Variants in PLXDC2 observed in about 807,000 individuals in gnomAD.
PLXDC2 encodes plexin domain-containing protein 2.
A neutral mutation model predicts 68.9 loss-of-function variants in PLXDC2; 40 were observed. The observed-to-expected ratio is 0.58, with a 90% confidence interval of 0.45 to 0.76. The LOEUF (loss-of-function observed/expected upper bound fraction) is 0.76. Among genes scored for constraint, PLXDC2 ranks in the 30% least tolerant of loss-of-function variants. The pLI is 0.00. For missense variants in PLXDC2, 644 were observed against 661.9 expected, an observed-to-expected ratio of 0.97 and a Z score of 0.30; for synonymous variants, 243 against 234.2, an observed-to-expected ratio of 1.04 and a Z score of -0.34.
chr10:20,149,370 C>G (rs1471601755), intron 6 of PLXDC2, among the ~76,000 whole-genome samples: 3 of 150,124 alleles, frequency 2.0e-5, no homozygotes, highest in African/African-American at 4.9e-5. Context: ...TCCCAAGTAA[C>G]TGGGATTACA....
chr10:20,264,631 A>G (rs1385196455), intron 13 of PLXDC2, among the ~76,000 whole-genome samples: 1 of 152,094 alleles, frequency 6.6e-6, no homozygotes, highest in Non-Finnish European at 1.5e-5. Context: ...AAAAATAATA[A>G]TTTTGAAAAT....
At chr10:19,832,273 G>A (rs1023892402) in intron 1 of PLXDC2, among the ~76,000 whole-genome samples, 5 of 152,154 alleles carry the variant, frequency 3.3e-5, no homozygotes, top group African/African-American at 1.2e-4. Flanking sequence ...TTATTGAATA[G>A]CCCACAAAGG....
intron 4 of PLXDC2, among the ~76,000 whole-genome samples, chr10:20,091,356 T>C (rs1833273806): frequency 6.6e-6 from 1 of 152,250 alleles, no homozygotes; most frequent in Non-Finnish European, 1.5e-5. Context: ...TATCCAACAA[T>C]GACCAAGTCT....
At chr10:20,038,952 C>G (rs913771050) in intron 2 of PLXDC2, among the ~76,000 whole-genome samples, 4 of 152,086 alleles carry the variant, frequency 2.6e-5, no homozygotes, top group Admixed American at 2.0e-4. Context: ...TCCAAGACCC[C>G]TACCTTTTTC....
chr10:20,122,920 A>T (rs1833719035), intron 4 of PLXDC2, among the ~76,000 whole-genome samples: 1 of 152,142 alleles, frequency 6.6e-6, no homozygotes, highest in Non-Finnish European at 1.5e-5. Flanking sequence ...GCTGTAAAGC[A>T]TCTCAGGGTT....
chr10:20,082,923 T>C (rs530561131), intron 4 of PLXDC2, among the ~76,000 whole-genome samples: 1 of 150,242 alleles, frequency 6.7e-6, no homozygotes, highest in African/African-American at 2.5e-5. Flanking sequence ...TGCAGATAAA[T>C]GTTACTTACA....
intron 1 of PLXDC2, among the ~76,000 whole-genome samples, chr10:19,868,347 T>A (rs754019770): frequency 6.6e-6 from 1 of 152,170 alleles, no homozygotes; most frequent in Admixed American, 6.5e-5. Context: ...TTTAGCTTAA[T>A]AGGTAGTTTT....
chr10:20,191,781 A>G (rs1378604929), intron 9 of PLXDC2, among the ~76,000 whole-genome samples: 2 of 152,122 alleles, frequency 1.3e-5, no homozygotes, highest in Non-Finnish European at 2.9e-5. Context: ...CGTTGTGCAC[A>G]TGTACCCTAA....
At chr10:20,245,539 C>T (rs1159653768) in intron 13 of PLXDC2, 34 bp downstream of exon 13, 2 of 1,588,590 alleles carry the variant, frequency 1.3e-6, no homozygotes, top group Non-Finnish European at 1.7e-6. Context: ...AAAACCACGC[C>T]AGTTGATGAA....
rs539502017 is a variant in PLXDC2 at position 19,995,351 on chromosome 10, C to CG, written c.113-6422dup. 6.6e-5 allele frequency among the ~76,000 whole-genome samples: 10 copies of CG among 152,280 alleles called. No homozygotes were observed. In the East Asian group the frequency reaches 1.9e-3, roughly 30 times the overall value. ...AAATTCCAAGAGTCCTTTCCACACACGGTATGCATTTTATGTTTTCAGCAA... is the reference window on the plus strand; with the variant it reads ...AAATTCCAAGAGTCCTTTCCACACACGGGTATGCATTTTATGTTTTCAGCAA... On this transcript the variant is annotated intron_variant, in intron 1 of 13. Coordinates refer to ENST00000377252, the MANE Select transcript of PLXDC2 (RefSeq NM_032812.9).
chr10:19,916,134 T>G (rs1215275013), intron 1 of PLXDC2, among the ~76,000 whole-genome samples: 3 of 134,894 alleles, frequency 2.2e-5, no homozygotes, highest in Non-Finnish European at 4.6e-5. Flanking sequence ...GTGTTTTGTT[T>G]TGTTTTTTTT....
chr10:20,239,131 A>G (rs1282734159), intron 12 of PLXDC2, among the ~76,000 whole-genome samples: 1 of 152,110 alleles, frequency 6.6e-6, no homozygotes, highest in Non-Finnish European at 1.5e-5. Context: ...AAGACTAAAG[A>G]TTTGAATTCT....
intron 1 of PLXDC2, among the ~76,000 whole-genome samples, chr10:19,903,180 C>T (rs1247158595): frequency 6.6e-6 from 1 of 152,020 alleles, no homozygotes; most frequent in Non-Finnish European, 1.5e-5. Context: ...TAGGGTGATA[C>T]TGGCTTCATC....
chr10:20,211,956 AATAGATGC>A (rs1835075661), intron 10 of PLXDC2, among the ~76,000 whole-genome samples: 2 of 152,158 alleles, frequency 1.3e-5, no homozygotes, highest in South Asian at 2.1e-4. Flanking sequence ...TACAACCCCT[AATAGATGC>A]AGACATGGGG....
chr10:20,130,951 GT>G (rs1564326876), intron 4 of PLXDC2, among the ~76,000 whole-genome samples: 1 of 152,046 alleles, frequency 6.6e-6, no homozygotes, highest in Admixed American at 6.6e-5. Flanking sequence ...TTATTGTAAC[GT>G]TTTCGTCTGA....
At chr10:20,231,131 C>A (rs1393646264) in intron 12 of PLXDC2, among the ~76,000 whole-genome samples, 3 of 151,440 alleles carry the variant, frequency 2.0e-5, no homozygotes, top group African/African-American at 7.3e-5. Context: ...ATATTGTGTG[C>A]TGTAAATATA....
At chr10:19,819,488 A>T (rs112740153) in intron 1 of PLXDC2, among the ~76,000 whole-genome samples, 1 of 149,720 alleles carries the variant, frequency 6.7e-6, no homozygotes. Flanking sequence ...GTATGGGGGG[A>T]AAAGTCCAGC....
intron 1 of PLXDC2, among the ~76,000 whole-genome samples, chr10:19,827,309 G>T (rs1836590928): frequency 6.6e-6 from 1 of 152,166 alleles, no homozygotes; most frequent in South Asian, 2.1e-4. Flanking sequence ...GGACAAACCG[G>T]TCCTCCTTGT....
At chr10:20,117,055 A>G (rs1833632310) in intron 4 of PLXDC2, among the ~76,000 whole-genome samples, 1 of 152,080 alleles carries the variant, frequency 6.6e-6, no homozygotes, top group Non-Finnish European at 1.5e-5. Flanking sequence ...AAAAATGAAA[A>G]AAAAAAATAG....
Sources: gnomAD v4.1 joint callset for allele counts (sites outside exome capture counted in the v4.1 genomes callset) on GRCh38, gnomAD v4.1.1 for gene constraint, MANE v1.5 for transcripts, NCBI Gene and HGNC (gene_info 2026-07-23, HGNC 2026-07-21) for gene names.